IRF1: variants seen among roughly 807,000 people sequenced by gnomAD.
The protein encoded by IRF1 is interferon regulatory factor 1, also known as interferon regulatory factor-1.
Under a neutral mutation model 43.7 loss-of-function variants are expected in IRF1, and 13 were observed. The observed-to-expected ratio is 0.30, with a 90% CI of 0.19 to 0.47. IRF1 has a LOEUF of 0.47. Among genes scored for constraint, IRF1 ranks in the 20% least tolerant of loss-of-function variants. IRF1 has a pLI of 0.99. For missense variants in IRF1, 236 were observed against 408.9 expected (o/e 0.58, Z 3.65); for synonymous variants, 138 against 146.8 (o/e 0.94, Z 0.43).
At position 132,488,301 on chromosome 5, in the gene IRF1, C is replaced by A. The variant is rs1296094387; in HGVS notation, c.88-276G>T. 2.8e-5 allele frequency: 10 copies of A among 357,882 alleles called. No individual in the cohort carries two copies. The South Asian group carries it at 3.3e-4, about 12-fold the overall frequency. 22.2% of individuals were successfully genotyped at this position (357,882 alleles called of 1,614,324 possible). A position where few individuals can be genotyped will look rare whatever the true frequency, so the allele number is the denominator to read the frequency against. ...TGTTACACATGTGCTAGGACCCACA[C>A]AGGGCACCCTCCCCCAAAGCCCTGG... On this transcript the variant is annotated intron_variant, in intron 2 of 9. Coordinates refer to ENST00000245414, the MANE Select transcript of IRF1 (RefSeq NM_002198.3).
chr5:132,485,735 G>C lies in IRF1; in HGVS notation c.668-19C>G, dbSNP rs1754502287. 5.0e-6 allele frequency: 8 copies of C among 1,607,298 alleles called. No homozygotes were observed. Among genetic ancestry groups the C allele is most frequent in the Non-Finnish European group, 6.8e-6 (8 of 1,175,666 alleles). On this transcript the variant is annotated intron_variant, in intron 7 of 9. Transcript: ENST00000245414. ...GTTGTAGCTGTGGATGGGGAAAGCAGAGAGGTTGGCTGGCAGTCAGCCACA... is the reference window on the plus strand; with the variant it reads ...GTTGTAGCTGTGGATGGGGAAAGCACAGAGGTTGGCTGGCAGTCAGCCACA...
intron 3 of IRF1, chr5:132,487,396 G>A (rs1754564097): frequency 2.0e-6 from 1 of 491,694 alleles, no homozygotes; most frequent in Non-Finnish European, 3.7e-6. Flanking sequence ...TCCCCAAAGT[G>A]TACTATCTGT....
At chr5:132,489,144 A>C (rs1421907361) in intron 2 of IRF1, 9 of 444,824 alleles carry the variant, frequency 2.0e-5, no homozygotes, top group Non-Finnish European at 3.8e-5. Context: ...CAGATGCTGG[A>C]AAGTCTTGCT....
rs1359148860 is a variant in IRF1, at chr5:132,488,998, GT to G, written c.87+393del. 9.3e-5 allele frequency: 19 copies of G among 203,686 alleles called. 1 individual carries two copies. The highest frequency in any genetic ancestry group is 8.7e-4 in the Admixed American group (18 of 20,594). 12.6% of individuals were successfully genotyped at this position (203,686 alleles called of 1,614,324 possible). ...TGACTGGTGCAAGATTAACTCGTTT[GT>G]CCTCTGCTAAGCCAGGCACGTTTCT... is the stretch of plus-strand genomic sequence containing the variant. On this transcript the variant is annotated intron_variant, in intron 2 of 9. Transcript: ENST00000245414.
At position 132,484,502 on chromosome 5, in the gene IRF1, G is replaced by A. The variant is rs747917393; in HGVS notation, c.718-5C>T. ...CCACTCCGACTGCTCCAAGAGCTGG[G>A]GACAGAAGAGCAAGAGGCTATCAAC... is the stretch of plus-strand genomic sequence containing the variant. On this transcript the variant is annotated splice_polypyrimidine_tract_variant and splice_region_variant and intron_variant, in intron 8 of 9. Transcript: ENST00000245414. The A allele has an allele frequency of 6.2e-7, 1 of 1,614,078 alleles. No homozygotes were observed. Among genetic ancestry groups the A allele is most frequent in the Non-Finnish European group, 8.5e-7 (1 of 1,179,998 alleles).
chr5:132,485,708 CT>C lies in IRF1; in HGVS notation c.675del (p.Asp226MetfsTer13), dbSNP rs1754501575. On this transcript the variant is annotated frameshift_variant, in exon 8 of 10. Coordinates refer to ENST00000245414, the MANE Select transcript of IRF1 (RefSeq NM_002198.3). LOFTEE classifies it high-confidence loss of function. ...GGTAATTTCCCTTCCTCATCCTCATCTGTTGTAGCTGTGGATGGGGAAAGCA... is the reference window on the plus strand; with the variant it reads ...GGTAATTTCCCTTCCTCATCCTCATCGTTGTAGCTGTGGATGGGGAAAGCA... ...SPMPSTSEAT[T>X]DEDEEGKLPE... 1 of 1,612,378 alleles carries C rather than the reference CT, an allele frequency of 6.2e-7. No homozygotes were observed. Among genetic ancestry groups the C allele is most frequent in the African/African-American group, 1.3e-5 (1 of 74,866 alleles).
In IRF1 at chr5:132,490,619, AGCG is replaced by A. The variant is rs1754694938; in HGVS notation, c.-83_-81del. 1 of 152,290 alleles carries A rather than the reference AGCG, an allele frequency of 6.6e-6. No individual in the cohort carries two copies. Among genetic ancestry groups the A allele is most frequent in the African/African-American group, 2.4e-5 (1 of 41,430 alleles). The allele number at this position is 152,290 out of a possible 1,614,324, so 9.4% of individuals were successfully genotyped here. A position where few individuals can be genotyped will look rare whatever the true frequency, so the allele number is the denominator to read the frequency against. The stretch of plus-strand genomic sequence containing the variant: ...CAGGGGCTGCAGTGAGGGCGCGCGG[AGCG>A]CGACTCCGAGTGGAAGAGGGAAGAA... On this transcript the variant is annotated 5_prime_UTR_variant, in exon 1 of 10. Transcript: ENST00000245414. The surrounding 1 kb of genome is among the most constrained non-coding windows in gnomAD (Gnocchi z 5.8).
At position 132,488,043 on chromosome 5, in the gene IRF1, A is replaced by G. The variant is rs1176719662; in HGVS notation, c.88-18T>C. The G allele has an allele frequency of 6.4e-7, 1 of 1,556,430 alleles. No homozygotes were observed. Among genetic ancestry groups the G allele is most frequent in the African/African-American group, 1.4e-5 (1 of 73,988 alleles). ...ATCTCCTCCTGAACAATACACACAT[A>G]CACATAAGGCTGTGTCAGGTCAGAG... On this transcript the variant is annotated intron_variant, in intron 2 of 9. Transcript: ENST00000245414.
rs34329142 is a variant in IRF1, at chr5:132,482,219, ATT to A, written c.*1730_*1731del. 90 of 131,416 alleles carry A rather than the reference ATT, an allele frequency of 6.8e-4. No individual in the cohort carries two copies. Among genetic ancestry groups the A allele is most frequent in the African/African-American group, 8.0e-4 (27 of 33,780 alleles). The allele number at this position is 131,416 out of a possible 1,614,324, so 8.1% of individuals were successfully genotyped here. A position where few individuals can be genotyped will look rare whatever the true frequency, so the allele number is the denominator to read the frequency against. On this transcript the variant is annotated 3_prime_UTR_variant, in exon 10 of 10. Transcript: ENST00000245414. ...AGGCGCCCGCCACCAGGCCCGGCTA[ATT>A]TTTTTTTTTTTTTTTGAGACGGAGT... is the stretch of plus-strand genomic sequence containing the variant.
Position 132,483,790 on chromosome 5 carries a change from T to C in IRF1, c.*161A>G, listed in dbSNP as rs754578243. The C allele has an allele frequency of 3.2e-4, 266 of 826,790 alleles. 2 individuals carry two copies. The highest frequency in any genetic ancestry group is 5.8e-5 in the Non-Finnish European group (31 of 537,626). The allele number at this position is 826,790 out of a possible 1,614,324, so 51.2% of individuals were successfully genotyped here. A position where few individuals can be genotyped will look rare whatever the true frequency, so the allele number is the denominator to read the frequency against. On this transcript the variant is annotated 3_prime_UTR_variant, in exon 10 of 10. Coordinates refer to ENST00000245414, the MANE Select transcript of IRF1 (RefSeq NM_002198.3). ...ACCCAGACACTGGCCTGCCAGGCCC[T>C]GAGAGGTCAATGACCCAAGGAGGGA...
In IRF1 at chr5:132,487,036, C is replaced by T; in HGVS notation, c.282G>A (p.Val94=). The T allele has an allele frequency of 5.0e-6, 8 of 1,614,216 alleles. No homozygotes were observed. Among genetic ancestry groups the T allele is most frequent in the Non-Finnish European group, 6.8e-6 (8 of 1,180,040 alleles). Residue 94 remains valine, a synonymous_variant, in exon 4 of 10, where the codon GTG becomes GTA. Transcript: ENST00000245414. ...TGCCCTTGTTCCTGCTCTGGTCTTT[C>T]ACCTCCTCGATATCTGGCAGGGAGT... ...AMNSLPDIEE[V]KDQSRNKGSS...
intron 2 of IRF1, chr5:132,488,555 G>A (rs2126842114): frequency 6.5e-6 from 1 of 153,562 alleles, no homozygotes; most frequent in African/African-American, 2.4e-5. Context: ...TCTCGGAAAT[G>A]AGAAAACATA....
intron 8 of IRF1, 79 bp downstream of exon 8, chr5:132,485,588 G>A (rs1299311420): frequency 8.8e-7 from 1 of 1,130,062 alleles, no homozygotes; most frequent in Admixed American, 1.7e-5. Flanking sequence ...CCCATCCTCT[G>A]ATTTGGAAGC....
chr5:132,484,145 G>A, intron 9 of IRF1, 70 bp from the exon 10 acceptor site: 2 of 1,579,962 alleles, frequency 1.3e-6, no homozygotes, highest in Non-Finnish European at 1.7e-6. Flanking sequence ...CCCTACCCCT[G>A]AAGGCCATAG....
chr5:132,483,332 G>GA lies in IRF1; in HGVS notation c.*618dup, dbSNP rs1754435929. On this transcript the variant is annotated 3_prime_UTR_variant, in exon 10 of 10. Coordinates refer to ENST00000245414, the MANE Select transcript of IRF1 (RefSeq NM_002198.3). ...AAATGTTAGTGTACACCTCTGATCA[G>GA]AAATGTGGCAAGATCCACACGAAAA... is the stretch of plus-strand genomic sequence containing the variant. The GA allele has an allele frequency of 6.5e-6, 1 of 152,774 alleles. No homozygotes were observed. Among genetic ancestry groups the GA allele is most frequent in the African/African-American group, 2.4e-5 (1 of 41,412 alleles). The allele number at this position is 152,774 out of a possible 1,614,324, so 9.5% of individuals were successfully genotyped here.
rs1754452085 is a variant in IRF1 at position 132,483,963 on chromosome 5, G to T, written c.966C>A (p.Pro322=). 5 of 1,613,468 alleles carry T rather than the reference G, an allele frequency of 3.1e-6. No individual in the cohort carries two copies. The East Asian group carries it at 1.1e-4, about 36-fold the overall frequency. ...PVRLPSIQAI[P]CAP The stretch of plus-strand genomic sequence containing the variant: ...CCCAGGGGCCCTGCTACGGTGCACA[G>T]GGAATGGCCTGGATGGAGGGCAACC... The change falls in exon 10 of 10, where the codon CCC becomes CCA. Residue 322 remains proline, a synonymous_variant. Transcript: ENST00000245414.
chr5:132,481,849 C>A lies in IRF1; in HGVS notation c.*2102G>T, dbSNP rs1221196425. The A allele has an allele frequency of 6.6e-6, 1 of 152,474 alleles. No homozygotes were observed. Among genetic ancestry groups the A allele is most frequent in the African/African-American group, 2.4e-5 (1 of 41,562 alleles). The allele number at this position is 152,474 out of a possible 1,614,324, so 9.4% of individuals were successfully genotyped here. On this transcript the variant is annotated 3_prime_UTR_variant, in exon 10 of 10. Coordinates refer to ENST00000245414, the MANE Select transcript of IRF1 (RefSeq NM_002198.3). Reference sequence around the variant, plus strand: ...TCTGTGACTGTGTCATATCAACTGACTTTTTGGAGCAGCATCTGTGTGTTA... The same window carrying A: ...TCTGTGACTGTGTCATATCAACTGAATTTTTGGAGCAGCATCTGTGTGTTA...
Position 132,489,901 on chromosome 5 carries a change from G to A in IRF1, c.-5-418C>T, listed in dbSNP as rs1470145720. On this transcript the variant is annotated intron_variant, in intron 1 of 9. Transcript: ENST00000245414. Reference sequence around the variant, plus strand: ...GAGTTGTAACCACTAGCTAGCAAAGGGCTAGCCGTCACCCTGAACAGCCCC... The same window carrying A: ...GAGTTGTAACCACTAGCTAGCAAAGAGCTAGCCGTCACCCTGAACAGCCCC... 8 of 191,454 alleles carry A rather than the reference G, an allele frequency of 4.2e-5. No homozygotes were observed. In the South Asian group the frequency reaches 4.4e-4, roughly 11 times the overall value. The allele number at this position is 191,454 out of a possible 1,614,324, so 11.9% of individuals were successfully genotyped here.
chr5:132,482,615 A>G lies in IRF1; in HGVS notation c.*1336T>C, dbSNP rs1033977008. On this transcript the variant is annotated 3_prime_UTR_variant, in exon 10 of 10. Transcript: ENST00000245414. Reference sequence around the variant, plus strand: ...GTGATCTGCCCACCTTGGCCTCCCAAAGTGCCAGGATTACAGGCATAAGCC... The same window carrying G: ...GTGATCTGCCCACCTTGGCCTCCCAGAGTGCCAGGATTACAGGCATAAGCC... 2.0e-5 allele frequency: 3 copies of G among 151,396 alleles called. No homozygotes were observed. The highest frequency in any genetic ancestry group is 7.3e-5 in the African/African-American group (3 of 41,120). The allele number at this position is 151,396 out of a possible 1,614,324, so 9.4% of individuals were successfully genotyped here. A position where few individuals can be genotyped will look rare whatever the true frequency, so the allele number is the denominator to read the frequency against.
Sources: gnomAD v4.1 joint callset for allele counts on GRCh38, gnomAD v4.1.1 for gene constraint, Gnocchi (gnomAD v3.1) non-coding constraint, MANE v1.5 for transcripts, NCBI Gene and HGNC (gene_info 2026-07-23, HGNC 2026-07-21) for gene names.